Variants in ARGLU1 observed in about 807,000 individuals in gnomAD.
ARGLU1 encodes the protein arginine and glutamate-rich protein 1.
In ARGLU1, 9 loss-of-function variants were observed where a neutral mutation model predicts 37.6. The ratio of observed to expected loss-of-function variants is 0.24; its 90% CI spans 0.14 to 0.42. ARGLU1 has a LOEUF of 0.42. Ranked by LOEUF, ARGLU1 falls within the 10% of genes least tolerant of loss-of-function variation. The pLI is 1.00. For synonymous variants in ARGLU1, 166 were observed against 138.5 expected (o/e 1.20, Z -1.39); for missense variants, 211 against 359.2 (o/e 0.59, Z 3.34).
chr13:106,567,523 CCG>C lies in ARGLU1; in HGVS notation c.347+48_347+49del, dbSNP rs577194918. On this transcript the variant is annotated intron_variant, in intron 1 of 3. Transcript: ENST00000400198. The surrounding 1 kb of genome is among the most constrained non-coding windows in gnomAD (Gnocchi z 4.3). ...CCCGCCCCGGCCCCACGCCCTCGCC[CCG>C]CGCCCTGCTCTCCGCACGCCCCGGT... is the stretch of plus-strand genomic sequence containing the variant. The C allele has an allele frequency of 5.6e-3, 7,623 of 1,371,792 alleles. 31 individuals are homozygous for C. Among genetic ancestry groups the C allele is most frequent in the Non-Finnish European group, 6.5e-3 (6,303 of 965,338 alleles). The allele number at this position is 1,371,792 out of a possible 1,614,324, so 85.0% of individuals were successfully genotyped here.
chr13:106,557,119 C>A lies in ARGLU1; in HGVS notation c.586G>T (p.Ala196Ser). Residue 196 changes from alanine to serine, a missense_variant, in exon 3 of 4, where the codon GCA becomes TCA. Physicochemically the swap from Ala to Ser is moderately conservative, Grantham distance 99. This residue lies in a region of ARGLU1 where 80 missense variants were observed against 158.4 expected (regional missense o/e 0.51). Coordinates refer to ENST00000400198, the MANE Select transcript of ARGLU1 (RefSeq NM_018011.4). This position sits in a 1 kb window ranked among gnomAD's most constrained non-coding sequence, Gnocchi z 5.0. ...ATTCGCTCTAGCTCCTCACGTTTTG[C>A]ACGTTCTTCCTCCTAAAGGGGAGGA... ...AQKAREEEER[A>S]KREELERILE... The A allele has an allele frequency of 7.4e-6, 12 of 1,613,620 alleles. No individual in the cohort carries two copies. Among genetic ancestry groups the A allele is most frequent in the Non-Finnish European group, 1.0e-5 (12 of 1,179,610 alleles).
At chr13:106,558,496 C>T in intron 2 of ARGLU1, 1 of 985,378 alleles carries the variant, frequency 1.0e-6, no homozygotes, top group Non-Finnish European at 1.2e-6. Flanking sequence ...TCCTACATCA[C>T]ACACCAATGG....
intron 1 of ARGLU1, among the ~76,000 whole-genome samples, chr13:106,562,328 G>A (rs9514549): frequency 0.32 from 49,097 of 152,004 alleles, 8,272 homozygotes; most frequent in African/African-American, 0.41. Context: ...CAGCAAACCA[G>A]TGAGCACATA....
intron 3 of ARGLU1, among the ~76,000 whole-genome samples, chr13:106,551,471 C>T (rs1880528657): frequency 6.6e-6 from 1 of 152,142 alleles, no homozygotes; most frequent in African/African-American, 2.4e-5. Flanking sequence ...CTTTAAAATC[C>T]ATATTTTTGC....
chr13:106,558,118 G>A (rs559202408), intron 2 of ARGLU1: 69 of 984,454 alleles, frequency 7.0e-5, no homozygotes, highest in African/African-American at 6.3e-4. Flanking sequence ...GGTTGTGTCC[G>A]TGTAAAAAAA....
intron 3 of ARGLU1, among the ~76,000 whole-genome samples, chr13:106,551,750 C>T (rs184552547): frequency 6.7e-4 from 102 of 152,236 alleles, no homozygotes; most frequent in Non-Finnish European, 1.2e-3. Flanking sequence ...CTGGTGGCTG[C>T]GAGGATTCCT....
chr13:106,558,023 A>T, intron 2 of ARGLU1: 9 of 985,368 alleles, frequency 9.1e-6, no homozygotes, highest in Non-Finnish European at 1.1e-5. Flanking sequence ...TGCAAACTGT[A>T]TGAAGACTGC....
At chr13:106,550,815 A>G (rs1196787478) in intron 3 of ARGLU1, among the ~76,000 whole-genome samples, 1 of 152,176 alleles carries the variant, frequency 6.6e-6, no homozygotes, top group African/African-American at 2.4e-5. Context: ...TCCAAGATCA[A>G]CATCCTCAAA....
At position 106,541,893 on chromosome 13, in the gene ARGLU1, G is replaced by A. The variant is rs759199784; in HGVS notation, c.*2103C>T. ...TTTTTAAGTTTTCTATGTACACAAA[G>A]GCAGTGGGAACAAATGAAAAAAACA... On this transcript the variant is annotated 3_prime_UTR_variant, in exon 4 of 4. Coordinates refer to ENST00000400198, the MANE Select transcript of ARGLU1 (RefSeq NM_018011.4). 1.3e-5 allele frequency: 2 copies of A among 152,004 alleles called. No individual in the cohort carries two copies. Among genetic ancestry groups the A allele is most frequent in the Non-Finnish European group, 2.9e-5 (2 of 67,998 alleles). The allele number at this position is 152,004 out of a possible 1,614,324, so 9.4% of individuals were successfully genotyped here.
chr13:106,566,044 T>C (rs560846226), intron 1 of ARGLU1, among the ~76,000 whole-genome samples: 1 of 152,360 alleles, frequency 6.6e-6, no homozygotes, highest in African/African-American at 2.4e-5. Flanking sequence ...TTAGGTAACT[T>C]TTCATACATC....
In ARGLU1 at chr13:106,567,242, A is replaced by C. The variant is rs1880993402; in HGVS notation, c.347+331T>G. 6.6e-6 allele frequency among the ~76,000 whole-genome samples: 1 copy of C among 151,660 alleles called. No homozygotes were observed. On this transcript the variant is annotated intron_variant, in intron 1 of 3. Coordinates refer to ENST00000400198, the MANE Select transcript of ARGLU1 (RefSeq NM_018011.4). The surrounding 1 kb of genome is among the most constrained non-coding windows in gnomAD (Gnocchi z 4.3). ...CGGCTCGCTCCCGGCCTCACAAGCCAACGCAGCTCTCCGACCTCACTCCGA... is the reference window on the plus strand; with the variant it reads ...CGGCTCGCTCCCGGCCTCACAAGCCCACGCAGCTCTCCGACCTCACTCCGA...
intron 2 of ARGLU1, chr13:106,558,480 AG>A: frequency 1.0e-6 from 1 of 985,382 alleles, no homozygotes; most frequent in Non-Finnish European, 1.2e-6. Context: ...ATACAACTAC[AG>A]GATTTCCTAC....
intron 3 of ARGLU1, among the ~76,000 whole-genome samples, chr13:106,553,441 A>T (rs913312994): frequency 6.6e-6 from 1 of 152,230 alleles, no homozygotes; most frequent in Non-Finnish European, 1.5e-5. Flanking sequence ...TTTGTAAATG[A>T]TTCTATCTCA....
rs562890439 is a variant in ARGLU1 at position 106,542,137 on chromosome 13, A to C, written c.*1859T>G. The stretch of plus-strand genomic sequence containing the variant: ...TGTGGCAGTAAGAAACTTAAAAAAA[A>C]AATTAAAAGGCACGCATAAGCTGAT... On this transcript the variant is annotated 3_prime_UTR_variant, in exon 4 of 4. Coordinates refer to ENST00000400198, the MANE Select transcript of ARGLU1 (RefSeq NM_018011.4). The C allele has an allele frequency of 2.6e-5, 4 of 152,162 alleles. No homozygotes were observed. Among genetic ancestry groups the C allele is most frequent in the Non-Finnish European group, 5.9e-5 (4 of 68,020 alleles). The allele number at this position is 152,162 out of a possible 1,614,324, so 9.4% of individuals were successfully genotyped here. A position where few individuals can be genotyped will look rare whatever the true frequency, so the allele number is the denominator to read the frequency against.
intron 1 of ARGLU1, among the ~76,000 whole-genome samples, chr13:106,560,831 T>C (rs1249804874): frequency 6.6e-6 from 1 of 152,216 alleles, no homozygotes; most frequent in African/African-American, 2.4e-5. Flanking sequence ...CATCCATATA[T>C]ATGAGAATCA....
In ARGLU1 at chr13:106,557,122, G is replaced by T; in HGVS notation, c.583C>A (p.Arg195Ser). ...AAQKAREEEE[R>S]AKREELERIL... ...CGCTCTAGCTCCTCACGTTTTGCAC[G>T]TTCTTCCTCCTAAAGGGGAGGATAT... Residue 195 changes from arginine to serine, a missense_variant, in exon 3 of 4, where the codon CGT becomes AGT. Transcript: ENST00000400198. The surrounding 1 kb of genome is among the most constrained non-coding windows in gnomAD (Gnocchi z 5.0). The T allele has an allele frequency of 1.2e-6, 2 of 1,613,118 alleles. No individual in the cohort carries two copies. The highest frequency in any genetic ancestry group is 1.7e-6 in the Non-Finnish European group (2 of 1,179,302).
intron 3 of ARGLU1, 34 bp from the exon 4 acceptor site, chr13:106,544,194 T>A: frequency 6.7e-7 from 1 of 1,502,840 alleles, no homozygotes; most frequent in Non-Finnish European, 8.9e-7. Context: ...ATTATAGAAA[T>A]GTATTAAAAA....
intron 1 of ARGLU1, among the ~76,000 whole-genome samples, chr13:106,561,561 T>A (rs1476679966): frequency 6.6e-6 from 1 of 151,938 alleles, no homozygotes; most frequent in East Asian, 1.9e-4. Flanking sequence ...GACTTTTAAT[T>A]AACAATACTA....
Position 106,567,556 on chromosome 13 carries a change from C to T in ARGLU1, c.347+17G>A, listed in dbSNP as rs771558163. 6.4e-7 allele frequency: 1 copy of T among 1,566,128 alleles called. No individual in the cohort carries two copies. The highest frequency in any genetic ancestry group is 8.8e-7 in the Non-Finnish European group (1 of 1,136,784). Reference sequence around the variant, plus strand: ...TGCTCTCCGCACGCCCCGGTCCCTCCCCGCGCGGGCACTCACATTTTTCGC... The same window carrying T: ...TGCTCTCCGCACGCCCCGGTCCCTCTCCGCGCGGGCACTCACATTTTTCGC... On this transcript the variant is annotated intron_variant, in intron 1 of 3. Transcript: ENST00000400198. This position sits in a 1 kb window ranked among gnomAD's most constrained non-coding sequence, Gnocchi z 4.3.
Sources: gnomAD v4.1 joint callset for allele counts (sites outside exome capture counted in the v4.1 genomes callset) on GRCh38, gnomAD v4.1.1 for gene constraint, gnomAD v4.1.1 regional missense constraint, Gnocchi (gnomAD v3.1) non-coding constraint, MANE v1.5 for transcripts, NCBI Gene and HGNC (gene_info 2026-07-23, HGNC 2026-07-21) for gene names.